CLVS1: variants seen among roughly 807,000 people sequenced by gnomAD.
The protein encoded by CLVS1 is clavesin 1.
CLVS1 carries 10 observed loss-of-function variants against 33.1 expected under a neutral mutation model. That is an observed-to-expected ratio of 0.30 (90% confidence interval 0.19 to 0.51). The LOEUF is 0.51. CLVS1 is among the 20% of genes least tolerant of loss of function. The pLI is 0.97. For missense variants in CLVS1, 343 were observed against 433.4 expected, an observed-to-expected ratio of 0.79 and a Z score of 1.85; for synonymous variants, 163 against 166.1, an observed-to-expected ratio of 0.98 and a Z score of 0.14.
intron 1 of CLVS1, among the ~76,000 whole-genome samples, chr8:61,090,630 G>T (rs1805226583): frequency 6.6e-6 from 1 of 152,160 alleles, no homozygotes; most frequent in South Asian, 2.1e-4. Context: ...GTTGCATTTG[G>T]AAGTTGGTGG....
chr8:61,063,129 C>G (rs1804610656), intron 1 of CLVS1, among the ~76,000 whole-genome samples: 1 of 152,112 alleles, frequency 6.6e-6, no homozygotes, highest in Admixed American at 6.5e-5. Flanking sequence ...TAAAACCATG[C>G]TACGTAAGTA....
At chr8:61,371,881 T>C (rs1047563681) in intron 2 of CLVS1, among the ~76,000 whole-genome samples, 2 of 152,194 alleles carry the variant, frequency 1.3e-5, no homozygotes, top group Admixed American at 1.3e-4. Context: ...GATAAACATT[T>C]ACTAAGTCCT....
chr8:61,435,322 A>G (rs1421937529), intron 3 of CLVS1, among the ~76,000 whole-genome samples: 1 of 152,166 alleles, frequency 6.6e-6, no homozygotes, highest in Admixed American at 6.5e-5. Context: ...TAATTTTAGG[A>G]AGCACTTCTG....
At chr8:60,988,870 C>T in the CLVS1 span, among the ~76,000 whole-genome samples, 2 of 152,292 alleles carry the variant, frequency 1.3e-5, no homozygotes, top group Admixed American at 1.3e-4. Flanking sequence ...TATAGAGGTT[C>T]AGATTCTTTT....
chr8:61,023,830 C>CTTCTTTGGTCTCGGTCACTGGGGG, the CLVS1 span, among the ~76,000 whole-genome samples: 1 of 152,214 alleles, frequency 6.6e-6, no homozygotes, highest in South Asian at 2.1e-4. Context: ...GTGCTCACAG[C>CTTCTTTGGTCTCGGTCACTGGGGG]TTCTTTGGTC....
chr8:61,038,070 C>A, the CLVS1 span, among the ~76,000 whole-genome samples: 1 of 152,158 alleles, frequency 6.6e-6, no homozygotes, highest in Non-Finnish European at 1.5e-5. Context: ...GACTGTCCCC[C>A]ACTCTGTAGA....
At chr8:61,101,068 C>T (rs1034740632) in intron 1 of CLVS1, among the ~76,000 whole-genome samples, 3 of 152,096 alleles carry the variant, frequency 2.0e-5, no homozygotes, top group South Asian at 4.1e-4. Flanking sequence ...ACAAATGTTT[C>T]ATCGTTCTTG....
At chr8:61,272,766 T>A (rs1408178082) in intron 2 of CLVS1, among the ~76,000 whole-genome samples, 1 of 152,258 alleles carries the variant, frequency 6.6e-6, no homozygotes, top group African/African-American at 2.4e-5. Flanking sequence ...ACTGATACCC[T>A]TTCTTCCAGT....
the CLVS1 span, among the ~76,000 whole-genome samples, chr8:61,028,647 AAGCTGAC>A: frequency 6.6e-6 from 1 of 152,152 alleles, no homozygotes. Context: ...TGGCTCAGAT[AAGCTGAC>A]AGTGGCTATG....
At chr8:61,250,682 G>T (rs1029739867) in intron 2 of CLVS1, among the ~76,000 whole-genome samples, 1 of 152,106 alleles carries the variant, frequency 6.6e-6, no homozygotes, top group African/African-American at 2.4e-5. Context: ...AATAGCAATT[G>T]TGAATGGGAA....
At chr8:61,448,092 G>A (rs908405873) in intron 3 of CLVS1, among the ~76,000 whole-genome samples, 2 of 151,660 alleles carry the variant, frequency 1.3e-5, no homozygotes, top group Non-Finnish European at 2.9e-5. Flanking sequence ...GGCTTCCATG[G>A]TGTCTAATGA....
upstream of CLVS1, among the ~76,000 whole-genome samples, chr8:61,053,912 C>G: frequency 6.6e-6 from 1 of 152,206 alleles, no homozygotes; most frequent in East Asian, 1.9e-4. Context: ...CTGACAATAG[C>G]ATTTGAGGCT....
chr8:61,016,461 C>T, the CLVS1 span, among the ~76,000 whole-genome samples: 1 of 152,176 alleles, frequency 6.6e-6, no homozygotes, highest in East Asian at 1.9e-4. Flanking sequence ...TGACTAGAGG[C>T]CACCAAAAGA....
chr8:61,211,100 G>A (rs1399975112), intron 2 of CLVS1, among the ~76,000 whole-genome samples: 4 of 152,160 alleles, frequency 2.6e-5, no homozygotes, highest in Admixed American at 2.0e-4. Context: ...TCCAGGAAGT[G>A]AAGACCAGAA....
intron 3 of CLVS1, among the ~76,000 whole-genome samples, chr8:61,393,740 G>A (rs1814400635): frequency 6.6e-6 from 1 of 152,218 alleles, no homozygotes; most frequent in Non-Finnish European, 1.5e-5. Context: ...TGTCTGCAAA[G>A]AGTCCTGTGA....
At chr8:61,211,872 G>A (rs1341126339) in intron 2 of CLVS1, among the ~76,000 whole-genome samples, 8 of 152,136 alleles carry the variant, frequency 5.3e-5, no homozygotes, top group Non-Finnish European at 1.2e-4. Flanking sequence ...AGAGGGAGGT[G>A]GCATCAGAGG....
intron 2 of CLVS1, among the ~76,000 whole-genome samples, chr8:61,206,343 C>T (rs1470645795): frequency 6.6e-6 from 1 of 152,138 alleles, no homozygotes; most frequent in African/African-American, 2.4e-5. Context: ...AGGAAGTGTG[C>T]AGTAGGTTTG....
At chr8:61,090,482 A>G (rs1235520228) in intron 1 of CLVS1, among the ~76,000 whole-genome samples, 1 of 152,156 alleles carries the variant, frequency 6.6e-6, no homozygotes, top group Non-Finnish European at 1.5e-5. Context: ...CGATAGGCAG[A>G]AAACAGGCTT....
intron 1 of CLVS1, among the ~76,000 whole-genome samples, chr8:61,298,251 G>A (rs189132996): frequency 1.1e-4 from 17 of 152,252 alleles, no homozygotes; most frequent in African/African-American, 3.6e-4. Flanking sequence ...ACAATTCTGG[G>A]AAGAGTTTGT....
Sources: allele counts gnomAD v4.1 joint callset (sites outside exome capture counted in the v4.1 genomes callset), GRCh38; gene constraint gnomAD v4.1.1; transcripts MANE v1.5; gene names NCBI Gene and HGNC (gene_info 2026-07-23, HGNC 2026-07-21).